The following PTPRD variants were observed in gnomAD, a reference collection of about 807,000 sequenced individuals.
PTPRD encodes the protein protein tyrosine phosphatase receptor type D, also known as receptor-type tyrosine-protein phosphatase delta.
Under a neutral mutation model 214.5 loss-of-function variants are expected in PTPRD, and 34 were observed. That is an observed-to-expected ratio of 0.16 (90% CI 0.12 to 0.21). The LOEUF is 0.21. PTPRD is among the 10% of genes least tolerant of loss of function. The probability of loss-of-function intolerance (pLI) is 1.00; values close to 1 mark genes in which losing one functional copy is unlikely to be tolerated. For synonymous variants in PTPRD, 1,128 were observed against 845.7 expected (o/e 1.33, Z -5.79); for missense variants, 2,545 against 2,398.7 (o/e 1.06, Z -1.27).
chr9:9,190,641 A>C (rs2099934565), intron 9 of PTPRD, among the ~76,000 whole-genome samples: 1 of 152,056 alleles, frequency 6.6e-6, no homozygotes, highest in African/African-American at 2.4e-5. Context: ...GGAGGACACT[A>C]ATACCTTGAC....
At position 9,734,523 on chromosome 9, in the gene PTPRD, AAT is replaced by A. The variant is rs1288319991; in HGVS notation, c.-287+8_-287+9del. ...GAAGACTGAGAGTCCCAAAGAAAAA[AAT>A]ATCTCACCAGATTTTTGAAGTTACC... On this transcript the variant is annotated splice_region_variant and intron_variant, in intron 7 of 45. Transcript: ENST00000381196. 6.6e-6 allele frequency: 1 copy of A among 152,142 alleles called. No individual in the cohort carries two copies. Among genetic ancestry groups the A allele is most frequent in the East Asian group, 1.9e-4 (1 of 5,192 alleles). 9.4% of individuals were successfully genotyped at this position (152,142 alleles called of 1,614,324 possible). A position where few individuals can be genotyped will look rare whatever the true frequency, so the allele number is the denominator to read the frequency against.
At chr9:8,353,930 G>GTATATATGTATATATGTATATA (rs1564202307) in intron 39 of PTPRD, among the ~76,000 whole-genome samples, 1 of 99,076 alleles carries the variant, frequency 1.0e-5, no homozygotes, top group African/African-American at 6.6e-5. Context: ...ATATATATGT[G>GTATATATGTATATATGTATATA]TGTGTACATA....
chr9:9,152,841 T>C (rs973190136), intron 10 of PTPRD, among the ~76,000 whole-genome samples: 4 of 152,176 alleles, frequency 2.6e-5, no homozygotes, highest in African/African-American at 9.6e-5. Flanking sequence ...ACCAGATAAA[T>C]TGCTTGATTA....
chr9:8,743,586 TATACAC>T (rs1025679872), intron 11 of PTPRD, among the ~76,000 whole-genome samples: 1 of 152,108 alleles, frequency 6.6e-6, no homozygotes, highest in African/African-American at 2.4e-5. Context: ...TCTCTCACCT[TATACAC>T]AAATCGACTG....
intron 14 of PTPRD, among the ~76,000 whole-genome samples, chr9:8,605,053 G>A (rs1207632538): frequency 6.6e-6 from 1 of 152,114 alleles, no homozygotes; most frequent in African/African-American, 2.4e-5. Flanking sequence ...TCTATTAGTT[G>A]AATCACTCTT....
At chr9:10,016,785 C>T (rs1027047455) in intron 4 of PTPRD, among the ~76,000 whole-genome samples, 1 of 152,048 alleles carries the variant, frequency 6.6e-6, no homozygotes, top group African/African-American at 2.4e-5. Context: ...CTACCTTGGC[C>T]TCCAAAGTAG....
chr9:8,778,316 T>C (rs550207156), intron 11 of PTPRD, among the ~76,000 whole-genome samples: 26 of 152,324 alleles, frequency 1.7e-4, no homozygotes, highest in Non-Finnish European at 3.4e-4. Flanking sequence ...TATCATATTT[T>C]TGAGACACCA....
At chr9:9,030,608 A>C (rs1440435123) in intron 10 of PTPRD, among the ~76,000 whole-genome samples, 5 of 151,902 alleles carry the variant, frequency 3.3e-5, no homozygotes, top group Non-Finnish European at 7.4e-5. Flanking sequence ...GTTAGCAGGA[A>C]TAATTGATCT....
chr9:8,526,005 T>G (rs1592774218), intron 17 of PTPRD, among the ~76,000 whole-genome samples: 1 of 152,166 alleles, frequency 6.6e-6, no homozygotes. Flanking sequence ...AAAAAAGCAT[T>G]GCTGTCAGAT....
chr9:9,306,122 C>T (rs968528916), intron 9 of PTPRD, among the ~76,000 whole-genome samples: 6 of 152,136 alleles, frequency 3.9e-5, no homozygotes, highest in African/African-American at 1.4e-4. Flanking sequence ...CCTACCAAAA[C>T]CTTGGCAGTT....
At chr9:10,093,439 C>G (rs903005573) in intron 3 of PTPRD, among the ~76,000 whole-genome samples, 1 of 150,820 alleles carries the variant, frequency 6.6e-6, no homozygotes, top group South Asian at 2.1e-4. Flanking sequence ...CTAAAAAGTC[C>G]AAAATTGATA....
intron 5 of PTPRD, among the ~76,000 whole-genome samples, chr9:9,821,998 T>C (rs2050912135): frequency 6.6e-6 from 1 of 151,186 alleles, no homozygotes; most frequent in African/African-American, 2.4e-5. Context: ...ACTGAAGTCT[T>C]ATTCAGCTCT....
At chr9:8,665,338 G>A (rs2154358340) in intron 12 of PTPRD, among the ~76,000 whole-genome samples, 1 of 152,290 alleles carries the variant, frequency 6.6e-6, no homozygotes, top group Non-Finnish European at 1.5e-5. Context: ...TGGCTGCATT[G>A]CACTGGGGAG....
chr9:8,929,823 A>ATATATATGTGTGTGTATATATGTGTGTG lies in PTPRD; in HGVS notation c.-104+88873_-104+88874insCACACACATATATACACACACATATATA, dbSNP rs2098935985. Among the ~76,000 whole-genome samples the ATATATATGTGTGTGTATATATGTGTGTG allele has an allele frequency of 1.7e-4, 6 of 34,752 alleles. No homozygotes were observed. In the South Asian group the frequency reaches 6.2e-3, roughly 36 times the overall value. The allele number at this position is 34,752 out of a possible 152,430, so 22.8% of individuals were successfully genotyped here. On this transcript the variant is annotated intron_variant, in intron 11 of 45. Coordinates refer to ENST00000381196, the MANE Select transcript of PTPRD (RefSeq NM_002839.4). ...TGTATATATGTGTATATATATGTGT[A>ATATATATGTGTGTGTATATATGTGTGTG]TATATATGTGTATATATATGTGTGT...
At chr9:10,004,507 C>T (rs1006891207) in intron 4 of PTPRD, among the ~76,000 whole-genome samples, 11 of 151,588 alleles carry the variant, frequency 7.3e-5, no homozygotes, top group South Asian at 2.1e-4. Context: ...CATTACCCAC[C>T]GGTCAAGAGA....
intron 9 of PTPRD, among the ~76,000 whole-genome samples, chr9:9,332,673 G>C (rs1354101573): frequency 2.0e-5 from 3 of 151,520 alleles, no homozygotes; most frequent in Non-Finnish European, 4.4e-5. Flanking sequence ...GAAACAACCA[G>C]CTCTTGAACT....
chr9:10,377,351 TA>T (rs1411178961), intron 2 of PTPRD, among the ~76,000 whole-genome samples: 1 of 151,948 alleles, frequency 6.6e-6, no homozygotes, highest in African/African-American at 2.4e-5. Context: ...GCAGTTTTGT[TA>T]CATATGTATA....
chr9:8,721,227 G>C (rs1428158302), intron 12 of PTPRD, among the ~76,000 whole-genome samples: 1 of 151,690 alleles, frequency 6.6e-6, no homozygotes, highest in Admixed American at 6.6e-5. Flanking sequence ...TCAGGAGTTC[G>C]AGACTAGCCT....
chr9:9,943,028 C>T (rs187942844), intron 4 of PTPRD, among the ~76,000 whole-genome samples: 1 of 151,992 alleles, frequency 6.6e-6, no homozygotes, highest in East Asian at 1.9e-4. Context: ...TGCACTAACT[C>T]GGGGCAAAAG....
Sources: allele counts gnomAD v4.1 joint callset (sites outside exome capture counted in the v4.1 genomes callset), GRCh38; gene constraint gnomAD v4.1.1; transcripts MANE v1.5; gene names NCBI Gene and HGNC (gene_info 2026-07-23, HGNC 2026-07-21).